The following GOLM1 variants were observed in gnomAD, a reference collection of about 807,000 sequenced individuals.
The protein encoded by GOLM1 is golgi membrane protein 1, also known as epididymis luminal protein 46.
A neutral mutation model predicts 50.5 loss-of-function variants in GOLM1; 31 were observed. The observed-to-expected ratio is 0.61, with a 90% CI of 0.46 to 0.83. The LOEUF (loss-of-function observed/expected upper bound fraction) is 0.83, where lower values mean the gene tolerates loss of function less well. Among genes scored for constraint, GOLM1 ranks in the 40% least tolerant of loss-of-function variants. GOLM1 has a pLI of 0.00. For synonymous variants in GOLM1, 178 were observed against 192.8 expected (o/e 0.92, Z 0.64); for missense variants, 491 against 501.3 (o/e 0.98, Z 0.20).
chr9:86,026,920 T>TTTCTTTTACTCCAGTA lies in GOLM1; in HGVS notation c.*881_*896dup, dbSNP rs1832804343. 12 of 985,086 alleles carry TTTCTTTTACTCCAGTA rather than the reference T, an allele frequency of 1.2e-5. No individual in the cohort carries two copies. In the South Asian group the frequency reaches 4.7e-4, roughly 39 times the overall value. 61.0% of individuals were successfully genotyped at this position (985,086 alleles called of 1,614,324 possible). ...ATCCTTCGACATCAATGAACTTTGT[T>TTTCTTTTACTCCAGTA]TTCTTTTACTCCAGTAATAAAGTAG... On this transcript the variant is annotated 3_prime_UTR_variant, in exon 10 of 10. Coordinates refer to ENST00000388712, the MANE Select transcript of GOLM1 (RefSeq NM_016548.4).
At position 86,083,894 on chromosome 9, in the gene GOLM1, C is replaced by T. The variant is rs570398714; in HGVS notation, c.-21-4553G>A. ...AGATCAAGGTCTGATCAGAACTTAT[C>T]TGAAGCTACTGATAGTCTTTATCTT... is the stretch of plus-strand genomic sequence containing the variant. On this transcript the variant is annotated intron_variant, in intron 1 of 9. Transcript: ENST00000388712. Among the ~76,000 whole-genome samples the T allele has an allele frequency of 1.6e-3, 238 of 152,334 alleles. 2 individuals carry two copies. The highest frequency in any genetic ancestry group is 1.2e-3 in the Non-Finnish European group (81 of 68,036).
At chr9:86,085,462 T>TG (rs576685462) in intron 1 of GOLM1, among the ~76,000 whole-genome samples, 26 of 151,310 alleles carry the variant, frequency 1.7e-4, no homozygotes, top group Non-Finnish European at 3.7e-4. Flanking sequence ...TGTTTTTTTT[T>TG]TTTTTTTTGA....
chr9:86,031,796 A>G (rs1468342091), intron 9 of GOLM1, among the ~76,000 whole-genome samples: 1 of 151,856 alleles, frequency 6.6e-6, no homozygotes, highest in Non-Finnish European at 1.5e-5. Flanking sequence ...CAATTAACAA[A>G]TAACATAAAA....
intron 8 of GOLM1, 37 bp downstream of exon 8, chr9:86,035,331 A>AG: frequency 6.2e-7 from 1 of 1,600,902 alleles, no homozygotes. Context: ...GTCTGGTGGA[A>AG]GGGAGTCCAC....
chr9:86,046,669 A>G (rs1164667990), intron 4 of GOLM1, 97 bp from the exon 5 acceptor site: 1 of 751,498 alleles, frequency 1.3e-6, no homozygotes, highest in African/African-American at 1.7e-5. Flanking sequence ...ATCAGACCAT[A>G]AAGGGCAAGG....
intron 3 of GOLM1, among the ~76,000 whole-genome samples, chr9:86,063,806 T>C (rs1834228768): frequency 6.6e-6 from 1 of 152,224 alleles, no homozygotes; most frequent in Non-Finnish European, 1.5e-5. Context: ...GCCAACGCTC[T>C]TTCTAGTGCG....
chr9:86,058,695 CA>C lies in GOLM1; in HGVS notation c.310-6105del, dbSNP rs57227258. Among the ~76,000 whole-genome samples, 581 of 100,910 alleles carry C rather than the reference CA, an allele frequency of 5.8e-3. 4 individuals are homozygous for C. Among genetic ancestry groups the C allele is most frequent in the Middle Eastern group, 7.5e-3 (1 of 134 alleles). The allele number at this position is 100,910 out of a possible 152,430, so 66.2% of individuals were successfully genotyped here. On this transcript the variant is annotated intron_variant, in intron 3 of 9. Transcript: ENST00000388712. Reference sequence around the variant, plus strand: ...TGGGCAACAGAGCAAGACTCTGTCTCAAAAAAAAAAAAAAAAATAGCCAGGG... The same window carrying C: ...TGGGCAACAGAGCAAGACTCTGTCTCAAAAAAAAAAAAAAAATAGCCAGGG...
chr9:86,084,059 T>A (rs1834875146), intron 1 of GOLM1, among the ~76,000 whole-genome samples: 1 of 152,178 alleles, frequency 6.6e-6, no homozygotes, highest in Non-Finnish European at 1.5e-5. Context: ...AAAAAAGTCC[T>A]GAGTTCCAAA....
At position 86,076,421 on chromosome 9, in the gene GOLM1, CAAAAAAAAAAAAAAAAA is replaced by C. The variant is rs58193076; in HGVS notation, c.309+974_309+990del. On this transcript the variant is annotated intron_variant, in intron 3 of 9. Coordinates refer to ENST00000388712, the MANE Select transcript of GOLM1 (RefSeq NM_016548.4). ...GGACAACAAGAGGGAAACCCCATCT[CAAAAAAAAAAAAAAAAA>C]AAAAAAAAAAAAAAAAGCCAAATTT... Among the ~76,000 whole-genome samples the C allele has an allele frequency of 2.3e-3, 54 of 23,340 alleles. 1 individual carries two copies. In the Admixed American group the frequency reaches 0.039, roughly 17 times the overall value. The allele number at this position is 23,340 out of a possible 152,430, so 15.3% of individuals were successfully genotyped here. A position where few individuals can be genotyped will look rare whatever the true frequency, so the allele number is the denominator to read the frequency against.
intron 1 of GOLM1, among the ~76,000 whole-genome samples, chr9:86,096,496 G>A (rs2118916379): frequency 6.6e-6 from 1 of 152,284 alleles, no homozygotes; most frequent in East Asian, 1.9e-4. Context: ...TGTCAGAAAT[G>A]CAAATTTTGT....
At chr9:86,069,347 G>T (rs1056410119) in intron 3 of GOLM1, among the ~76,000 whole-genome samples, 4 of 152,122 alleles carry the variant, frequency 2.6e-5, no homozygotes, top group Non-Finnish European at 4.4e-5. Context: ...AAGGAAGTGT[G>T]GTGCTTCTAC....
chr9:86,099,179 G>A (rs572617930), intron 1 of GOLM1, among the ~76,000 whole-genome samples: 3 of 151,184 alleles, frequency 2.0e-5, no homozygotes, highest in Non-Finnish European at 4.4e-5. Flanking sequence ...CCGCGCGCCC[G>A]GTCTTGGGGA....
intron 8 of GOLM1, among the ~76,000 whole-genome samples, chr9:86,034,185 G>C (rs559696722): frequency 6.6e-6 from 1 of 152,200 alleles, no homozygotes; most frequent in East Asian, 1.9e-4. Flanking sequence ...GGATGGTCTT[G>C]AACTCCTGAC....
At chr9:86,098,952 G>C (rs1835439726) in intron 1 of GOLM1, among the ~76,000 whole-genome samples, 1 of 152,224 alleles carries the variant, frequency 6.6e-6, no homozygotes, top group African/African-American at 2.4e-5. Flanking sequence ...GGGAGGAAGA[G>C]GCGGCGGGAG....
chr9:86,093,534 C>A (rs1234112336), intron 1 of GOLM1, among the ~76,000 whole-genome samples: 2 of 148,518 alleles, frequency 1.3e-5, no homozygotes, highest in South Asian at 4.2e-4. Flanking sequence ...TGCGTCACTG[C>A]ATGCCAGCCT....
At chr9:86,044,396 C>T (rs79361201) in intron 5 of GOLM1, among the ~76,000 whole-genome samples, 2,496 of 152,272 alleles carry the variant, frequency 0.016, 16 homozygotes, top group Admixed American at 0.024. Flanking sequence ...GGCAGGTGGA[C>T]AATGTTTTGG....
intron 5 of GOLM1, 138 bp downstream of exon 5, chr9:86,046,332 A>G (rs978885540): frequency 3.2e-6 from 2 of 628,814 alleles, no homozygotes; most frequent in Non-Finnish European, 5.8e-6. Context: ...CATGAATCCT[A>G]GAGGGGCCCG....
At chr9:86,073,590 C>A (rs2118833848) in intron 3 of GOLM1, among the ~76,000 whole-genome samples, 1 of 152,268 alleles carries the variant, frequency 6.6e-6, no homozygotes, top group Middle Eastern at 3.4e-3. Context: ...ATTGCCCACA[C>A]TGCTCCCGAA....
chr9:86,082,306 A>C (rs11141216), intron 1 of GOLM1, among the ~76,000 whole-genome samples: 1 of 151,170 alleles, frequency 6.6e-6, no homozygotes, highest in Non-Finnish European at 1.5e-5. Flanking sequence ...GATTACAGGC[A>C]TGAGCCACCG....
Sources: gnomAD v4.1 joint callset for allele counts (sites outside exome capture counted in the v4.1 genomes callset) on GRCh38, gnomAD v4.1.1 for gene constraint, MANE v1.5 for transcripts, NCBI Gene and HGNC (gene_info 2026-07-23, HGNC 2026-07-21) for gene names.